The following PAK5 variants were observed in gnomAD, a reference collection of about 807,000 sequenced individuals.
PAK5 encodes serine/threonine-protein kinase PAK 5.
A neutral mutation model predicts 65.9 loss-of-function variants in PAK5; 16 were observed. The observed-to-expected ratio is 0.24, with a 90% confidence interval of 0.16 to 0.37. PAK5 has a LOEUF of 0.37. PAK5 is among the 10% of genes least tolerant of loss of function. The pLI, the probability that PAK5 is intolerant of heterozygous loss-of-function variation, is 1.00. For missense variants in PAK5, 785 were observed against 903.9 expected (o/e 0.87, Z 1.69); for synonymous variants, 371 against 354.9 (o/e 1.05, Z -0.51).
At chr20:9,557,524 A>G in intron 7 of PAK5, 84 bp downstream of exon 7, 1 of 1,163,406 alleles carries the variant, frequency 8.6e-7, no homozygotes, top group Non-Finnish European at 1.2e-6. Context: ...TTAGAGTTAT[A>G]AAAAAGTGTT....
chr20:9,548,253 C>T (rs2122910921), intron 7 of PAK5, among the ~76,000 whole-genome samples: 1 of 152,226 alleles, frequency 6.6e-6, no homozygotes, highest in East Asian at 1.9e-4. Context: ...GGTCCATTCC[C>T]AACTCTGAGT....
intron 1 of PAK5, among the ~76,000 whole-genome samples, chr20:9,745,590 T>G (rs2048497865): frequency 6.6e-6 from 1 of 152,300 alleles, no homozygotes; most frequent in Non-Finnish European, 1.5e-5. Context: ...ATTATTTTCA[T>G]GCGTTGATCT....
intron 2 of PAK5, among the ~76,000 whole-genome samples, chr20:9,701,053 T>C (rs1266092200): frequency 6.6e-6 from 1 of 152,120 alleles, no homozygotes; most frequent in Non-Finnish European, 1.5e-5. Flanking sequence ...AGGCCTACGT[T>C]TCCCTCTTTA....
intron 1 of PAK5, among the ~76,000 whole-genome samples, chr20:9,735,855 G>A (rs984535654): frequency 9.9e-5 from 15 of 151,066 alleles, no homozygotes; most frequent in African/African-American, 2.4e-4. Context: ...ACAAAAACCC[G>A]TCTCTACTAA....
chr20:9,648,174 G>C (rs747996), intron 2 of PAK5, among the ~76,000 whole-genome samples: 33,247 of 152,082 alleles, frequency 0.22, 3,815 homozygotes, highest in African/African-American at 0.25. Flanking sequence ...CATACTCGTG[G>C]CTGTGATTTA....
intron 5 of PAK5, among the ~76,000 whole-genome samples, chr20:9,565,404 T>C (rs2045658877): frequency 6.6e-6 from 1 of 152,224 alleles, no homozygotes; most frequent in Non-Finnish European, 1.5e-5. Flanking sequence ...TGATAGTCCA[T>C]TGGTAAACTG....
intron 3 of PAK5, among the ~76,000 whole-genome samples, chr20:9,587,295 A>T (rs2046087111): frequency 6.6e-6 from 1 of 152,214 alleles, no homozygotes; most frequent in African/African-American, 2.4e-5. Context: ...TACTATTAGT[A>T]ACTTTAGATA....
Position 9,598,733 on chromosome 20 carries a change from G to A in PAK5, c.205-17803C>T, listed in dbSNP as rs6118662. On this transcript the variant is annotated intron_variant, in intron 3 of 9. Transcript: ENST00000353224. The stretch of plus-strand genomic sequence containing the variant: ...AGTGATGTTGAGCTTTATTTCATAT[G>A]CTTGTTGGCCGCATAAATGTCTTCC... 4.8e-3 allele frequency among the ~76,000 whole-genome samples: 728 copies of A among 152,308 alleles called. 4 individuals are homozygous for A. Among genetic ancestry groups the A allele is most frequent in the South Asian group, 0.024 (114 of 4,830 alleles).
At chr20:9,613,232 C>G (rs757493203) in intron 3 of PAK5, among the ~76,000 whole-genome samples, 1 of 152,224 alleles carries the variant, frequency 6.6e-6, no homozygotes, top group Non-Finnish European at 1.5e-5. Flanking sequence ...ACTAAACAAA[C>G]AGAAAATTTC....
At chr20:9,805,346 C>A (rs117266998) in intron 1 of PAK5, among the ~76,000 whole-genome samples, 1 of 152,116 alleles carries the variant, frequency 6.6e-6, no homozygotes, top group African/African-American at 2.4e-5. Flanking sequence ...AACTACCTTA[C>A]GACATAGCAA....
intron 3 of PAK5, among the ~76,000 whole-genome samples, chr20:9,612,382 G>C (rs373673720): frequency 5.3e-5 from 8 of 152,246 alleles, no homozygotes; most frequent in African/African-American, 1.9e-4. Context: ...AGGCTTAATT[G>C]GTTCAAGGTT....
intron 1 of PAK5, among the ~76,000 whole-genome samples, chr20:9,726,680 G>A (rs1827783969): frequency 6.6e-6 from 1 of 152,104 alleles, no homozygotes; most frequent in African/African-American, 2.4e-5. Flanking sequence ...AGTGACCAAA[G>A]GGGAGGGAGA....
intron 1 of PAK5, among the ~76,000 whole-genome samples, chr20:9,778,652 G>A (rs1202136989): frequency 6.6e-6 from 1 of 152,136 alleles, no homozygotes; most frequent in African/African-American, 2.4e-5. Flanking sequence ...CATAGTAATT[G>A]GAAATGCTAC....
intron 2 of PAK5, among the ~76,000 whole-genome samples, chr20:9,685,009 C>T (rs963800890): frequency 6.6e-6 from 1 of 152,206 alleles, no homozygotes. Flanking sequence ...AATGCACTCT[C>T]TCCTTCCAGC....
chr20:9,665,601 G>A (rs2123347985), intron 2 of PAK5, among the ~76,000 whole-genome samples: 1 of 151,946 alleles, frequency 6.6e-6, no homozygotes, highest in South Asian at 2.1e-4. Context: ...TCCCACCTCA[G>A]CCTCCTGATT....
chr20:9,668,984 C>G (rs2047456891), intron 2 of PAK5, among the ~76,000 whole-genome samples: 1 of 152,152 alleles, frequency 6.6e-6, no homozygotes, highest in Non-Finnish European at 1.5e-5. Flanking sequence ...TCCACAGGAT[C>G]ATAAGAGACA....
chr20:9,784,981 T>C (rs2048977965), intron 1 of PAK5, among the ~76,000 whole-genome samples: 1 of 152,030 alleles, frequency 6.6e-6, no homozygotes, highest in Non-Finnish European at 1.5e-5. Flanking sequence ...TTTAATATAG[T>C]ACCTCCTTTC....
chr20:9,547,288 G>T (rs1429295728), intron 7 of PAK5, among the ~76,000 whole-genome samples: 1 of 152,130 alleles, frequency 6.6e-6, no homozygotes, highest in Non-Finnish European at 1.5e-5. Context: ...CTGGACTCTT[G>T]AATCATGAGA....
chr20:9,838,154 C>G lies in PAK5; in HGVS notation c.-162+608G>C, dbSNP rs943248786. ...GGGTGCCCACAAGCAGAAGTTCTCT[C>G]TCTGTCTCTCCATTACAACCCACCA... On this transcript the variant is annotated intron_variant, in intron 1 of 9. Coordinates refer to ENST00000353224, the MANE Select transcript of PAK5 (RefSeq NM_177990.4). This position sits in a 1 kb window ranked among gnomAD's most constrained non-coding sequence, Gnocchi z 4.5. Among the ~76,000 whole-genome samples the G allele has an allele frequency of 3.3e-5, 5 of 151,706 alleles. No individual in the cohort carries two copies. The highest frequency in any genetic ancestry group is 1.2e-4 in the African/African-American group (5 of 41,172).
Sources: gnomAD v4.1 joint callset for allele counts (sites outside exome capture counted in the v4.1 genomes callset) on GRCh38, gnomAD v4.1.1 for gene constraint, Gnocchi (gnomAD v3.1) non-coding constraint, MANE v1.5 for transcripts, NCBI Gene and HGNC (gene_info 2026-07-23, HGNC 2026-07-21) for gene names.